The following BCL2L11 variants were observed in gnomAD, a reference collection of about 807,000 sequenced individuals.
The protein encoded by BCL2L11 is bcl-2-like protein 11.
In BCL2L11, 15 loss-of-function variants were observed where a neutral mutation model predicts 20.6. The ratio of observed to expected loss-of-function variants is 0.73; its 90% CI spans 0.49 to 1.12. BCL2L11 has a LOEUF of 1.12. Ranked by LOEUF, BCL2L11 falls within the 50% of genes most tolerant of loss-of-function variation. BCL2L11 has a pLI of 0.00. For synonymous variants in BCL2L11, 108 were observed against 92.8 expected (o/e 1.16, Z -0.94); for missense variants, 292 against 260.9 (o/e 1.12, Z -0.82).
chr2:111,145,831 A>G (rs1209288182), intron 2 of BCL2L11: 1 of 283,518 alleles, frequency 3.5e-6, no homozygotes, highest in East Asian at 1.7e-4. Context: ...AATGATTTCT[A>G]AGAAGTTTGA....
chr2:111,149,317 A>T (rs1270888340), intron 2 of BCL2L11, among the ~76,000 whole-genome samples: 1 of 152,188 alleles, frequency 6.6e-6, no homozygotes, highest in Admixed American at 6.5e-5. Context: ...CAGCTTAATG[A>T]AAGGGCAGTC....
At chr2:111,137,659 A>G (rs1230657448) in intron 2 of BCL2L11, among the ~76,000 whole-genome samples, 1 of 149,308 alleles carries the variant, frequency 6.7e-6, no homozygotes, top group Non-Finnish European at 1.5e-5. Context: ...TTTTTCAGGA[A>G]ATGCTAGCAG....
At chr2:111,156,972 G>A (rs1488814534) in intron 3 of BCL2L11, among the ~76,000 whole-genome samples, 1 of 152,192 alleles carries the variant, frequency 6.6e-6, no homozygotes, top group African/African-American at 2.4e-5. Flanking sequence ...CTCTGGAACT[G>A]CTTTTTAAAC....
chr2:111,121,901 C>T (rs1490980369), intron 1 of BCL2L11, among the ~76,000 whole-genome samples: 4 of 152,190 alleles, frequency 2.6e-5, no homozygotes, highest in African/African-American at 9.7e-5. Flanking sequence ...GCAGAACCTG[C>T]TCGGTCCCTG....
chr2:111,164,390 A>G lies in BCL2L11; in HGVS notation c.*159A>G. On this transcript the variant is annotated 3_prime_UTR_variant, in exon 4 of 4. Coordinates refer to ENST00000393256, the MANE Select transcript of BCL2L11 (RefSeq NM_138621.5). Reference sequence around the variant, plus strand: ...AGAAGACACCGAGCTGGATGGGACTACCTTTCTGTTCATCACCACACAGCA... The same window carrying G: ...AGAAGACACCGAGCTGGATGGGACTGCCTTTCTGTTCATCACCACACAGCA... 1 of 592,848 alleles carries G rather than the reference A, an allele frequency of 1.7e-6. No homozygotes were observed. 36.7% of individuals were successfully genotyped at this position (592,848 alleles called of 1,614,324 possible).
rs2150429531 is a variant in BCL2L11 at position 111,143,943 on chromosome 2, T to C, written c.395-6101T>C. On this transcript the variant is annotated intron_variant, in intron 2 of 3. Coordinates refer to ENST00000393256, the MANE Select transcript of BCL2L11 (RefSeq NM_138621.5). ...AGATAATAGTGAATGAGGGAAAAAA[T>C]CTCATGAACACTAGTTTCCAGACTT... Among the ~76,000 whole-genome samples, 5 of 152,322 alleles carry C rather than the reference T, an allele frequency of 3.3e-5. 2 individuals carry two copies. Among genetic ancestry groups the C allele is most frequent in the Admixed American group, 3.3e-4 (5 of 15,290 alleles).
chr2:111,138,352 G>A (rs2075282146), intron 2 of BCL2L11, among the ~76,000 whole-genome samples: 1 of 152,180 alleles, frequency 6.6e-6, no homozygotes, highest in African/African-American at 2.4e-5. Context: ...GTACACAATT[G>A]TCATAACTAG....
At chr2:111,140,407 A>G (rs1002123282) in intron 2 of BCL2L11, among the ~76,000 whole-genome samples, 3 of 152,190 alleles carry the variant, frequency 2.0e-5, no homozygotes, top group African/African-American at 7.2e-5. Context: ...TTCCCATTCC[A>G]GTTCCTAAAA....
Position 111,167,891 on chromosome 2 carries a change from G to C in BCL2L11, c.*3660G>C, listed in dbSNP as rs2079101147. On this transcript the variant is annotated 3_prime_UTR_variant, in exon 4 of 4. Transcript: ENST00000393256. The stretch of plus-strand genomic sequence containing the variant: ...GGGAGGTTGGGGCCCCACTGGACTG[G>C]GTGTCAAGATGTGAAAGCTTATGGG... 1 of 152,670 alleles carries C rather than the reference G, an allele frequency of 6.6e-6. No homozygotes were observed. Among genetic ancestry groups the C allele is most frequent in the African/African-American group, 2.4e-5 (1 of 41,418 alleles). 9.5% of individuals were successfully genotyped at this position (152,670 alleles called of 1,614,324 possible).
At chr2:111,141,533 A>C in intron 2 of BCL2L11, among the ~76,000 whole-genome samples, 1 of 84,608 alleles carries the variant, frequency 1.2e-5, no homozygotes, top group African/African-American at 4.7e-5. Flanking sequence ...GGGAGGGGGG[A>C]GGGAGAGCAT....
At chr2:111,124,234 G>T (rs1032205667) in intron 2 of BCL2L11, 95 bp downstream of exon 2, 2 of 1,353,350 alleles carry the variant, frequency 1.5e-6, no homozygotes, top group Non-Finnish European at 1.0e-6. Context: ...TTAAAACCCC[G>T]TAACTGATTT....
chr2:111,147,204 T>A (rs1350075115), intron 2 of BCL2L11, among the ~76,000 whole-genome samples: 2 of 152,156 alleles, frequency 1.3e-5, no homozygotes, highest in Non-Finnish European at 2.9e-5. Flanking sequence ...TCTGAAATGC[T>A]AAAGACACAT....
chr2:111,160,195 T>A (rs2078384278), intron 3 of BCL2L11, among the ~76,000 whole-genome samples: 1 of 152,242 alleles, frequency 6.6e-6, no homozygotes, highest in South Asian at 2.1e-4. Flanking sequence ...CAAGAAATTC[T>A]CCTCTTCCTT....
intron 2 of BCL2L11, among the ~76,000 whole-genome samples, chr2:111,124,734 G>C (rs1443859522): frequency 1.3e-5 from 2 of 152,150 alleles, no homozygotes; most frequent in Non-Finnish European, 2.9e-5. Context: ...GCTTGAAAGG[G>C]AACTGATCAT....
At chr2:111,133,941 C>T (rs1469118843) in intron 2 of BCL2L11, among the ~76,000 whole-genome samples, 1 of 152,178 alleles carries the variant, frequency 6.6e-6, no homozygotes, top group Non-Finnish European at 1.5e-5. Context: ...AATCTTCTAT[C>T]ATTGCTGTAA....
At chr2:111,159,016 G>C (rs192742611) in intron 3 of BCL2L11, among the ~76,000 whole-genome samples, 1 of 152,192 alleles carries the variant, frequency 6.6e-6, no homozygotes, top group Non-Finnish European at 1.5e-5. Context: ...TGAGTGGGCT[G>C]TATTCTGAGC....
Position 111,167,628 on chromosome 2 carries a change from G to C in BCL2L11, c.*3397G>C, listed in dbSNP as rs76256675. 6.6e-6 allele frequency: 1 copy of C among 152,258 alleles called. No individual in the cohort carries two copies. The highest frequency in any genetic ancestry group is 2.4e-5 in the African/African-American group (1 of 41,458). The allele number at this position is 152,258 out of a possible 1,614,324, so 9.4% of individuals were successfully genotyped here. A position where few individuals can be genotyped will look rare whatever the true frequency, so the allele number is the denominator to read the frequency against. ...CCAGGCAGGACAAGTGAATGGGTGG[G>C]ACAGGTGGCTCCTGCCTAAGGACCA... On this transcript the variant is annotated 3_prime_UTR_variant, in exon 4 of 4. Transcript: ENST00000393256.
chr2:111,161,358 T>C, intron 3 of BCL2L11: 5 of 1,532,672 alleles, frequency 3.3e-6, no homozygotes, highest in Non-Finnish European at 4.4e-6. Flanking sequence ...AAAGACAGTC[T>C]GTCTTTTTTA....
intron 1 of BCL2L11, chr2:111,123,390 T>C: frequency 1.0e-6 from 1 of 985,474 alleles, no homozygotes; most frequent in Non-Finnish European, 1.2e-6. Flanking sequence ...TCAGAGCCGC[T>C]GGGAGTTTCT....
Sources: gnomAD v4.1 joint callset for allele counts (sites outside exome capture counted in the v4.1 genomes callset) on GRCh38, gnomAD v4.1.1 for gene constraint, MANE v1.5 for transcripts, NCBI Gene and HGNC (gene_info 2026-07-23, HGNC 2026-07-21) for gene names.